MSRA: variants seen among roughly 807,000 people sequenced by gnomAD.
The protein encoded by MSRA is methionine sulfoxide reductase A, also known as mitochondrial peptide methionine sulfoxide reductase.
Under a neutral mutation model 31.3 loss-of-function variants are expected in MSRA, and 54 were observed. The observed-to-expected ratio is 1.73, with a 90% CI of 1.39 to 2.17. The LOEUF (loss-of-function observed/expected upper bound fraction) is 2.17, where lower values mean the gene tolerates loss of function less well. MSRA is among the 30% of genes most tolerant of loss of function. The probability of loss-of-function intolerance (pLI) is 0.00; values close to 1 mark genes in which losing one functional copy is unlikely to be tolerated. For synonymous variants in MSRA, 169 were observed against 116.5 expected (o/e 1.45, Z -2.90); for missense variants, 507 against 300.9 (o/e 1.69, Z -5.07).
chr8:10,270,629 G>A (rs1001157454), intron 3 of MSRA, among the ~76,000 whole-genome samples: 6 of 152,202 alleles, frequency 3.9e-5, no homozygotes, highest in African/African-American at 7.2e-5. Context: ...AGTTCCACAC[G>A]TTGGTGAGGG....
At chr8:10,146,845 CT>C (rs1205526558) in intron 1 of MSRA, among the ~76,000 whole-genome samples, 1 of 152,154 alleles carries the variant, frequency 6.6e-6, no homozygotes, top group African/African-American at 2.4e-5. Flanking sequence ...GGGGCTTTAT[CT>C]TAGCCTGGAA....
Position 10,054,775 on chromosome 8 carries a change from G to T in MSRA, c.142+117G>T. Reference sequence around the variant, plus strand: ...CGTGGGCTGGCCTCGGGCGGGTCGCGGGGTGGGGGTCTGCGCAGGCGCGAA... The same window carrying T: ...CGTGGGCTGGCCTCGGGCGGGTCGCTGGGTGGGGGTCTGCGCAGGCGCGAA... On this transcript the variant is annotated intron_variant, in intron 1 of 5. Coordinates refer to ENST00000317173, the MANE Select transcript of MSRA (RefSeq NM_012331.5). The T allele has an allele frequency of 4.2e-6, 5 of 1,195,976 alleles. No individual in the cohort carries two copies. The Admixed American group carries it at 1.3e-4, about 31-fold the overall frequency. The allele number at this position is 1,195,976 out of a possible 1,614,324, so 74.1% of individuals were successfully genotyped here.
chr8:10,239,699 G>T (rs1195705374), intron 2 of MSRA, among the ~76,000 whole-genome samples: 1 of 152,096 alleles, frequency 6.6e-6, no homozygotes, highest in Admixed American at 6.6e-5. Flanking sequence ...TACTGTTTTG[G>T]GGACTAGGAC....
intron 1 of MSRA, among the ~76,000 whole-genome samples, chr8:10,074,098 T>TA (rs1797875955): frequency 1.2e-5 from 1 of 84,638 alleles, no homozygotes; most frequent in African/African-American, 4.3e-5. Flanking sequence ...TTTTTTTTTT[T>TA]ATTAAATGGA....
At chr8:10,241,625 A>G (rs1332243720) in intron 2 of MSRA, among the ~76,000 whole-genome samples, 2 of 152,210 alleles carry the variant, frequency 1.3e-5, no homozygotes, top group Non-Finnish European at 2.9e-5. Flanking sequence ...ATAGAATTAG[A>G]AGATCACTAT....
intron 3 of MSRA, among the ~76,000 whole-genome samples, chr8:10,283,391 T>G (rs1311107404): frequency 6.6e-6 from 1 of 152,128 alleles, no homozygotes; most frequent in Non-Finnish European, 1.5e-5. Context: ...GTTGTCCAGT[T>G]AGGGTGAACT....
Position 10,202,732 on chromosome 8 carries a change from G to A in MSRA, c.143-5101G>A, listed in dbSNP as rs151016437. Among the ~76,000 whole-genome samples the A allele has an allele frequency of 1.3e-3, 195 of 152,320 alleles. 1 individual carries two copies. Among genetic ancestry groups the A allele is most frequent in the African/African-American group, 4.4e-3 (181 of 41,592 alleles). On this transcript the variant is annotated intron_variant, in intron 1 of 5. Coordinates refer to ENST00000317173, the MANE Select transcript of MSRA (RefSeq NM_012331.5). ...AAAGTTCACACAGGTGATAATACCA[G>A]CCTAACTGTTATATAGAGTTTGTTA...
intron 5 of MSRA, among the ~76,000 whole-genome samples, chr8:10,335,272 T>C (rs1286810779): frequency 6.7e-6 from 1 of 149,114 alleles, no homozygotes; most frequent in Non-Finnish European, 1.5e-5. Context: ...TTTTTTTTTT[T>C]TGTAGTGTTT....
intron 1 of MSRA, among the ~76,000 whole-genome samples, chr8:10,127,406 T>G (rs1801580934): frequency 6.6e-6 from 1 of 152,346 alleles, no homozygotes; most frequent in Middle Eastern, 3.4e-3. Context: ...ATGAATTAAA[T>G]CTATATGGAG....
intron 1 of MSRA, among the ~76,000 whole-genome samples, chr8:10,119,367 T>G (rs1266851536): frequency 6.6e-6 from 1 of 152,146 alleles, no homozygotes; most frequent in Non-Finnish European, 1.5e-5. Context: ...CTTCTTGGAG[T>G]CACATTCCTT....
chr8:10,218,869 T>G (rs1222346930), intron 2 of MSRA, among the ~76,000 whole-genome samples: 1 of 152,228 alleles, frequency 6.6e-6, no homozygotes, highest in East Asian at 1.9e-4. Context: ...AGAGCCACAG[T>G]ACAGATTGCT....
chr8:10,174,049 G>A (rs1805830945), intron 1 of MSRA, among the ~76,000 whole-genome samples: 1 of 152,084 alleles, frequency 6.6e-6, no homozygotes, highest in Non-Finnish European at 1.5e-5. Context: ...TTGGAACTCT[G>A]GCTGATGGCA....
chr8:10,397,798 TTC>T (rs1414661274), intron 5 of MSRA, among the ~76,000 whole-genome samples: 1 of 152,230 alleles, frequency 6.6e-6, no homozygotes, highest in African/African-American at 2.4e-5. Flanking sequence ...TTGAAGAACA[TTC>T]TGTTTTCTCA....
At chr8:10,071,739 CTG>C (rs1563396766) in intron 1 of MSRA, among the ~76,000 whole-genome samples, 5 of 152,142 alleles carry the variant, frequency 3.3e-5, no homozygotes, top group African/African-American at 1.2e-4. Context: ...AAACAGAACT[CTG>C]TGTACTGGTG....
intron 1 of MSRA, among the ~76,000 whole-genome samples, chr8:10,187,213 T>A (rs1273996706): frequency 6.6e-6 from 1 of 152,202 alleles, no homozygotes; most frequent in East Asian, 1.9e-4. Context: ...GGTCTCCACA[T>A]GATCCACAGT....
chr8:10,123,274 T>C (rs1052391918), intron 1 of MSRA, among the ~76,000 whole-genome samples: 2 of 152,242 alleles, frequency 1.3e-5, no homozygotes, highest in African/African-American at 4.8e-5. Context: ...TCTCTAATGA[T>C]CAGAGATGTT....
chr8:10,404,762 C>T (rs973691500), intron 5 of MSRA, among the ~76,000 whole-genome samples: 35 of 152,342 alleles, frequency 2.3e-4, no homozygotes, highest in African/African-American at 8.2e-4. Flanking sequence ...ATTCCAGAGT[C>T]GCAGGCCCAT....
chr8:10,190,458 A>G (rs1048737030), intron 1 of MSRA, among the ~76,000 whole-genome samples: 1 of 152,180 alleles, frequency 6.6e-6, no homozygotes, highest in Non-Finnish European at 1.5e-5. Context: ...ACAATCTGCA[A>G]TCCAGAGGGT....
At chr8:10,082,245 C>T (rs181838251) in intron 1 of MSRA, among the ~76,000 whole-genome samples, 49 of 152,148 alleles carry the variant, frequency 3.2e-4, no homozygotes, top group African/African-American at 1.0e-3. Flanking sequence ...AAAACAAACC[C>T]TACAAAACCT....
Sources: allele counts gnomAD v4.1 joint callset (sites outside exome capture counted in the v4.1 genomes callset), GRCh38; gene constraint gnomAD v4.1.1; transcripts MANE v1.5; gene names NCBI Gene and HGNC (gene_info 2026-07-23, HGNC 2026-07-21).